TDRD10: variants seen among roughly 807,000 people sequenced by gnomAD.
TDRD10 encodes the protein tudor domain containing 10.
Under a neutral mutation model 48.0 loss-of-function variants are expected in TDRD10, and 40 were observed. That is an observed-to-expected ratio of 0.83 (90% CI 0.65 to 1.09). The LOEUF is 1.09. TDRD10 is among the 50% of genes least tolerant of loss of function. The pLI, the probability that TDRD10 is intolerant of heterozygous loss-of-function variation, is 0.00. For synonymous variants in TDRD10, 162 were observed against 170.4 expected, an observed-to-expected ratio of 0.95 and a Z score of 0.38; for missense variants, 378 against 434.7, an observed-to-expected ratio of 0.87 and a Z score of 1.16.
rs12075957 is a variant in TDRD10, at chr1:154,526,771, G to T, written c.369+5292G>T. ...CCTGGCCTAATTTTTGTATTTTTTG[G>T]TATGGATGGGGTTTCACCATGTTGG... On this transcript the variant is annotated intron_variant, in intron 6 of 12. Transcript: ENST00000368482. Among the ~76,000 whole-genome samples, 445 of 148,568 alleles carry T rather than the reference G, an allele frequency of 3.0e-3. 4 individuals are homozygous for T. Among genetic ancestry groups the T allele is most frequent in the African/African-American group, 0.011 (426 of 40,248 alleles).
intron 6 of TDRD10, among the ~76,000 whole-genome samples, chr1:154,535,147 A>G (rs1694854747): frequency 6.6e-6 from 1 of 152,174 alleles, no homozygotes; most frequent in South Asian, 2.1e-4. Context: ...TGGGCGGATC[A>G]CTTGAAGTCA....
intron 6 of TDRD10, among the ~76,000 whole-genome samples, chr1:154,524,100 T>A (rs192072996): frequency 1.3e-5 from 2 of 152,354 alleles, no homozygotes; most frequent in East Asian, 1.9e-4. Context: ...TTGAGTCATT[T>A]GTGGATCTGC....
rs1220211433 is a variant in TDRD10, at chr1:154,541,267, T to A, written c.370-757T>A. 8.8e-4 allele frequency among the ~76,000 whole-genome samples: 56 copies of A among 63,428 alleles called. 1 individual carries two copies. Among genetic ancestry groups the A allele is most frequent in the African/African-American group, 3.5e-3 (55 of 15,702 alleles). 41.6% of individuals were successfully genotyped at this position (63,428 alleles called of 152,430 possible). ...GGAGCAGGTCCATGCAGGGGAGGGA[T>A]GGCGGGGAGGGCAGGAGCGGGAGAG... On this transcript the variant is annotated intron_variant, in intron 6 of 12. Transcript: ENST00000368482.
At chr1:154,536,812 T>G (rs549496067) in intron 6 of TDRD10, among the ~76,000 whole-genome samples, 63 of 152,368 alleles carry the variant, frequency 4.1e-4, no homozygotes, top group African/African-American at 1.5e-3. Context: ...GTTATTGAGA[T>G]GCATCCATGT....
At chr1:154,518,340 T>G (rs770043949) in intron 4 of TDRD10, among the ~76,000 whole-genome samples, 1 of 152,260 alleles carries the variant, frequency 6.6e-6, no homozygotes, top group Non-Finnish European at 1.5e-5. Flanking sequence ...TAAAAAATCC[T>G]AATAAGTTAC....
At chr1:154,529,271 G>A (rs536062107) in intron 6 of TDRD10, among the ~76,000 whole-genome samples, 10 of 152,114 alleles carry the variant, frequency 6.6e-5, no homozygotes, top group Non-Finnish European at 1.2e-4. Context: ...TAGAGACCTC[G>A]CCATGTTGGC....
intron 5 of TDRD10, 77 bp from the exon 6 acceptor site, chr1:154,521,246 G>A (rs774199165): frequency 3.1e-5 from 45 of 1,468,188 alleles, no homozygotes; most frequent in African/African-American, 9.9e-5. Context: ...CTTCCAGCTT[G>A]GGCTTGGTGC....
intron 1 of TDRD10, among the ~76,000 whole-genome samples, chr1:154,506,357 T>G (rs748504465): frequency 6.6e-6 from 1 of 150,722 alleles, no homozygotes; most frequent in Non-Finnish European, 1.5e-5. Context: ...ACTTTAACTT[T>G]GTTTCTGTTG....
At chr1:154,546,398 G>A (rs6427729) in intron 11 of TDRD10, among the ~76,000 whole-genome samples, 115,533 of 146,632 alleles carry the variant, frequency 0.79, 46,104 homozygotes, top group East Asian at 0.91. Flanking sequence ...TAAAATATAT[G>A]TATAATGTAA....
At chr1:154,534,537 T>C (rs1395526796) in intron 6 of TDRD10, 1 of 152,296 alleles carries the variant, frequency 6.6e-6, no homozygotes, top group Non-Finnish European at 1.5e-5. Flanking sequence ...TTGCCCATCC[T>C]GGTAGAACTA....
At chr1:154,511,518 ATAAT>A (rs907618966) in intron 4 of TDRD10, among the ~76,000 whole-genome samples, 1 of 150,928 alleles carries the variant, frequency 6.6e-6, no homozygotes, top group Admixed American at 6.6e-5. Context: ...ATAATACTAA[ATAAT>A]ACAAAAATTA....
At chr1:154,536,373 T>A (rs1300008765) in intron 6 of TDRD10, among the ~76,000 whole-genome samples, 1 of 152,192 alleles carries the variant, frequency 6.6e-6, no homozygotes, top group East Asian at 1.9e-4. Context: ...CGAAACTCCA[T>A]CTTAACAAAG....
At chr1:154,539,277 T>C (rs545052311) in intron 6 of TDRD10, among the ~76,000 whole-genome samples, 2 of 152,136 alleles carry the variant, frequency 1.3e-5, no homozygotes, top group Admixed American at 6.5e-5. Flanking sequence ...TTGCCCTAGG[T>C]CATTTCTTTC....
intron 6 of TDRD10, among the ~76,000 whole-genome samples, chr1:154,533,779 C>T (rs1368222960): frequency 1.3e-5 from 2 of 151,842 alleles, no homozygotes; most frequent in Admixed American, 6.6e-5. Context: ...GGACTACAGG[C>T]GTGTACCACC....
At chr1:154,513,681 A>T (rs1438051577) in intron 4 of TDRD10, among the ~76,000 whole-genome samples, 4 of 152,324 alleles carry the variant, frequency 2.6e-5, no homozygotes, top group Middle Eastern at 3.4e-3. Context: ...AAGTATTCCT[A>T]TACTTTAAAA....
At chr1:154,527,828 C>T (rs1211289731) in intron 6 of TDRD10, among the ~76,000 whole-genome samples, 1 of 152,208 alleles carries the variant, frequency 6.6e-6, no homozygotes, top group Non-Finnish European at 1.5e-5. Flanking sequence ...CATTTTTATA[C>T]TGCTGGCAAG....
At chr1:154,523,330 C>G (rs1255041477) in intron 6 of TDRD10, among the ~76,000 whole-genome samples, 1 of 152,230 alleles carries the variant, frequency 6.6e-6, no homozygotes, top group African/African-American at 2.4e-5. Flanking sequence ...CGCTGTCCCC[C>G]AGTCTTTGCA....
At chr1:154,545,040 G>A (rs565242590) in intron 11 of TDRD10, 91 bp downstream of exon 11, 1 of 1,518,118 alleles carries the variant, frequency 6.6e-7, no homozygotes, top group African/African-American at 1.4e-5. Context: ...AGCATAGTGG[G>A]CGGCCAAGGT....
chr1:154,537,632 T>C (rs1694990158), intron 6 of TDRD10, among the ~76,000 whole-genome samples: 1 of 152,176 alleles, frequency 6.6e-6, no homozygotes, highest in Non-Finnish European at 1.5e-5. Context: ...GGACACTGCC[T>C]GTGTTCTGGG....
Sources: allele counts gnomAD v4.1 joint callset (sites outside exome capture counted in the v4.1 genomes callset), GRCh38; gene constraint gnomAD v4.1.1; transcripts MANE v1.5; gene names NCBI Gene and HGNC (gene_info 2026-07-23, HGNC 2026-07-21).